Variants in ARB2A observed in about 807,000 individuals in gnomAD.
ARB2A encodes cotranscriptional regulator ARB2A.
chr5:93,689,830 G>A, the ARB2A span, among the ~76,000 whole-genome samples: 2 of 151,976 alleles, frequency 1.3e-5, no homozygotes, highest in Admixed American at 6.6e-5. Flanking sequence ...GAAGGTGGGC[G>A]ATTTCTGCAT....
chr5:93,810,903 A>G, the ARB2A span, among the ~76,000 whole-genome samples: 1 of 152,076 alleles, frequency 6.6e-6, no homozygotes, highest in Non-Finnish European at 1.5e-5. Context: ...TAGTTTCCTC[A>G]TATGCAACTG....
At chr5:94,089,594 T>TACAC in the ARB2A span, among the ~76,000 whole-genome samples, 22,674 of 135,410 alleles carry the variant, frequency 0.17, 2,056 homozygotes, top group East Asian at 0.31. Context: ...AAACCGTTTA[T>TACAC]ACACACACAC....
the ARB2A span, among the ~76,000 whole-genome samples, chr5:93,986,301 A>G: frequency 0.031 from 4,537 of 145,376 alleles, 107 homozygotes; most frequent in Non-Finnish European, 0.046. Flanking sequence ...GCCCCCGCCC[A>G]GCAGCCGCCC....
the ARB2A span, among the ~76,000 whole-genome samples, chr5:93,867,517 A>C: frequency 3.9e-5 from 6 of 152,286 alleles, no homozygotes; most frequent in African/African-American, 1.4e-4. Context: ...TCCCAGGTTC[A>C]AGCGATTCTC....
the ARB2A span, among the ~76,000 whole-genome samples, chr5:93,743,762 G>A: frequency 2.6e-5 from 4 of 151,806 alleles, no homozygotes; most frequent in Non-Finnish European, 5.9e-5. Context: ...TGCCTCACAG[G>A]TTCAAGCGAT....
the ARB2A span, among the ~76,000 whole-genome samples, chr5:93,663,107 G>A: frequency 1.3e-5 from 2 of 152,032 alleles, no homozygotes; most frequent in East Asian, 1.9e-4. Context: ...TCTCAACACC[G>A]TTACACTGAT....
At chr5:94,072,293 A>G in the ARB2A span, among the ~76,000 whole-genome samples, 13 of 152,032 alleles carry the variant, frequency 8.6e-5, no homozygotes, top group Non-Finnish European at 1.8e-4. Context: ...TGTATCTTGA[A>G]TGTTTGTGGT....
the ARB2A span, among the ~76,000 whole-genome samples, chr5:93,754,238 T>C: frequency 6.6e-6 from 1 of 152,230 alleles, no homozygotes; most frequent in Non-Finnish European, 1.5e-5. Context: ...GGAGCTCACA[T>C]TCTAGTAGGA....
At chr5:93,720,310 C>A in the ARB2A span, among the ~76,000 whole-genome samples, 1 of 152,166 alleles carries the variant, frequency 6.6e-6, no homozygotes, top group Non-Finnish European at 1.5e-5. Context: ...CAGCCCATTC[C>A]ATTTCTTAAA....
the ARB2A span, among the ~76,000 whole-genome samples, chr5:93,843,496 G>T: frequency 1.6e-4 from 22 of 140,508 alleles, no homozygotes; most frequent in Admixed American, 1.5e-3. Context: ...ATCACAACTC[G>T]CTGTGAAGCC....
chr5:93,812,720 TG>T, the ARB2A span, among the ~76,000 whole-genome samples: 1 of 152,190 alleles, frequency 6.6e-6, no homozygotes, highest in Non-Finnish European at 1.5e-5. Context: ...AAGTTTAATA[TG>T]CCTATTTGTG....
the ARB2A span, among the ~76,000 whole-genome samples, chr5:93,763,587 C>T: frequency 6.6e-6 from 1 of 152,286 alleles, no homozygotes; most frequent in East Asian, 1.9e-4. Flanking sequence ...GACTCCCACA[C>T]AATAATAATG....
At chr5:93,714,319 T>C in the ARB2A span, among the ~76,000 whole-genome samples, 3 of 152,214 alleles carry the variant, frequency 2.0e-5, no homozygotes, top group African/African-American at 7.2e-5. Context: ...TGAGTTTAAA[T>C]TATTTATTAA....
At chr5:93,644,865 C>T in the ARB2A span, among the ~76,000 whole-genome samples, 1 of 152,256 alleles carries the variant, frequency 6.6e-6, no homozygotes, top group Non-Finnish European at 1.5e-5. Context: ...TGCATTCTTT[C>T]ATTCTTTATA....
the ARB2A span, among the ~76,000 whole-genome samples, chr5:93,981,219 C>G: frequency 6.6e-6 from 1 of 151,956 alleles, no homozygotes; most frequent in Non-Finnish European, 1.5e-5. Context: ...AGGCCTGCAC[C>G]ACCACGCCTG....
At chr5:93,710,384 G>T in the ARB2A span, among the ~76,000 whole-genome samples, 3 of 152,174 alleles carry the variant, frequency 2.0e-5, no homozygotes, top group African/African-American at 7.2e-5. Context: ...ATCAGTTGGG[G>T]TTTGAATTTC....
chr5:93,920,994 T>C, the ARB2A span, among the ~76,000 whole-genome samples: 1 of 152,018 alleles, frequency 6.6e-6, no homozygotes, highest in Non-Finnish European at 1.5e-5. Flanking sequence ...ACCATGAGAC[T>C]CATGAAGTGC....
the ARB2A span, among the ~76,000 whole-genome samples, chr5:93,780,895 T>A: frequency 2.0e-5 from 3 of 152,172 alleles, no homozygotes; most frequent in Non-Finnish European, 2.9e-5. Flanking sequence ...TTACTAATAT[T>A]TAGAAATTAC....
At chr5:93,904,188 T>C in the ARB2A span, among the ~76,000 whole-genome samples, 10 of 151,930 alleles carry the variant, frequency 6.6e-5, no homozygotes, top group Non-Finnish European at 1.2e-4. Flanking sequence ...GGGCTAATGG[T>C]AAGTTGAATT....
Sources: allele counts gnomAD v4.1 joint callset (sites outside exome capture counted in the v4.1 genomes callset), GRCh38; gene constraint gnomAD v4.1.1; transcripts MANE v1.5; gene names NCBI Gene and HGNC (gene_info 2026-07-23, HGNC 2026-07-21).